The following MAPKAPK2 variants were observed in gnomAD, a reference collection of about 807,000 sequenced individuals.
MAPKAPK2 encodes the protein MAPK activated protein kinase 2.
In MAPKAPK2, 9 loss-of-function variants were observed where a neutral mutation model predicts 48.8. The observed-to-expected ratio is 0.18, with a 90% CI of 0.11 to 0.32. MAPKAPK2 has a LOEUF of 0.32. Ranked by LOEUF, MAPKAPK2 falls within the 10% of genes least tolerant of loss-of-function variation. The pLI is 1.00. For missense variants in MAPKAPK2, 331 were observed against 498.3 expected, an observed-to-expected ratio of 0.66 and a Z score of 3.20; for synonymous variants, 202 against 190.6, an observed-to-expected ratio of 1.06 and a Z score of -0.49.
At chr1:206,719,068 A>G (rs1221186239) in intron 1 of MAPKAPK2, among the ~76,000 whole-genome samples, 2 of 152,026 alleles carry the variant, frequency 1.3e-5, no homozygotes, top group African/African-American at 4.8e-5. Flanking sequence ...CCATTCAGCC[A>G]TCTGTGTTTC....
intron 1 of MAPKAPK2, among the ~76,000 whole-genome samples, chr1:206,694,822 C>G (rs1226720372): frequency 6.6e-6 from 1 of 152,246 alleles, no homozygotes; most frequent in African/African-American, 2.4e-5. Flanking sequence ...AGCAAGGGGT[C>G]ATCCCATACC....
rs1054846344 is a variant in MAPKAPK2, at chr1:206,704,344, C to T, written c.279+18836C>T. Among the ~76,000 whole-genome samples the T allele has an allele frequency of 3.2e-4, 49 of 152,242 alleles. No individual in the cohort carries two copies. The highest frequency in any genetic ancestry group is 1.1e-3 in the African/African-American group (46 of 41,464). On this transcript the variant is annotated intron_variant, in intron 1 of 9. Coordinates refer to ENST00000367103, the MANE Select transcript of MAPKAPK2 (RefSeq NM_032960.4). This position sits in a 1 kb window ranked among gnomAD's most constrained non-coding sequence, Gnocchi z 4.3. ...GATGGGGTCTCCCAGGGTCCCCTTG[C>T]TGGGCACGCTTGGCAGGCATCCTGC...
rs1402747644 is a variant in MAPKAPK2, at chr1:206,685,099, G to C, written c.-131G>C. ...GACCCGCCGAGCCTGGAGCCGGGCC[G>C]GGTCGGGGAAGCCGGCTCCAGCCCG... On this transcript the variant is annotated 5_prime_UTR_variant, in exon 1 of 10. Transcript: ENST00000367103. 1 of 197,136 alleles carries C rather than the reference G, an allele frequency of 5.1e-6. No individual in the cohort carries two copies. Among genetic ancestry groups the C allele is most frequent in the Non-Finnish European group, 1.0e-5 (1 of 99,640 alleles). 12.2% of individuals were successfully genotyped at this position (197,136 alleles called of 1,614,324 possible).
intron 1 of MAPKAPK2, among the ~76,000 whole-genome samples, chr1:206,703,883 G>T (rs1284578412): frequency 1.3e-5 from 2 of 152,206 alleles, no homozygotes; most frequent in Non-Finnish European, 2.9e-5. Flanking sequence ...TTCAGAGCAG[G>T]GGCAGCCTGC....
chr1:206,728,911 C>T, intron 2 of MAPKAPK2, 62 bp downstream of exon 2: 2 of 1,612,054 alleles, frequency 1.2e-6, no homozygotes, highest in Non-Finnish European at 1.7e-6. Context: ...AGGCACCTTA[C>T]CCTCTGAGGA....
chr1:206,726,798 A>G (rs1673714567), intron 1 of MAPKAPK2, among the ~76,000 whole-genome samples: 4 of 152,242 alleles, frequency 2.6e-5, no homozygotes, highest in African/African-American at 7.2e-5. Context: ...GAAAAACCCA[A>G]CATATCATGG....
chr1:206,722,703 C>A (rs1245719683), intron 1 of MAPKAPK2, among the ~76,000 whole-genome samples: 2 of 152,218 alleles, frequency 1.3e-5, no homozygotes, highest in Admixed American at 1.3e-4. Context: ...GCCAACAGTA[C>A]TTAGCAGCCA....
At chr1:206,718,971 T>C (rs553267523) in intron 1 of MAPKAPK2, among the ~76,000 whole-genome samples, 44 of 152,296 alleles carry the variant, frequency 2.9e-4, no homozygotes, top group African/African-American at 9.6e-4. Context: ...TTTATTTTGG[T>C]CAAACATTAA....
At chr1:206,717,413 G>T (rs1377965349) in intron 1 of MAPKAPK2, among the ~76,000 whole-genome samples, 1 of 152,194 alleles carries the variant, frequency 6.6e-6, no homozygotes, top group African/African-American at 2.4e-5. Context: ...AGAAACAGAA[G>T]AAATATCTCT....
chr1:206,728,688 C>T, intron 1 of MAPKAPK2, 22 bp from the exon 2 acceptor site: 1 of 1,609,840 alleles, frequency 6.2e-7, no homozygotes, highest in Non-Finnish European at 8.5e-7. Flanking sequence ...CGCAGTTACT[C>T]AGAAAGCTGT....
intron 1 of MAPKAPK2, among the ~76,000 whole-genome samples, chr1:206,686,358 T>A (rs908277237): frequency 6.6e-6 from 1 of 152,202 alleles, no homozygotes. Context: ...GCCCATCCCT[T>A]TTCTTTCTTT....
chr1:206,707,623 C>T (rs1673005727), intron 1 of MAPKAPK2, among the ~76,000 whole-genome samples: 1 of 152,122 alleles, frequency 6.6e-6, no homozygotes, highest in Non-Finnish European at 1.5e-5. Flanking sequence ...CAACTCTCTG[C>T]ACCTTAGTTT....
At chr1:206,706,113 CTTATTTATTTATTTATTTAT>C (rs10525931) in intron 1 of MAPKAPK2, among the ~76,000 whole-genome samples, 190 of 145,884 alleles carry the variant, frequency 1.3e-3, no homozygotes, top group African/African-American at 3.9e-3. Context: ...TTTCCTATCT[CTTATTTATTTATTTATTTAT>C]TTATTTATTT....
At position 206,729,161 on chromosome 1, in the gene MAPKAPK2, G is replaced by A. The variant is rs374132094; in HGVS notation, c.484+62G>A. 90 of 1,539,904 alleles carry A rather than the reference G, an allele frequency of 5.8e-5. No individual in the cohort carries two copies. In the East Asian group the frequency reaches 1.7e-3, roughly 29 times the overall value. ...GCAGGGCAGTGGGGGTCTGAAGGGGGCCTTTGCAGTGCCTGCTCTTGGGGA... is the reference window on the plus strand; with the variant it reads ...GCAGGGCAGTGGGGGTCTGAAGGGGACCTTTGCAGTGCCTGCTCTTGGGGA... On this transcript the variant is annotated intron_variant, in intron 3 of 9. Transcript: ENST00000367103.
In MAPKAPK2 at chr1:206,732,180, T is replaced by C. The variant is rs1375667212; in HGVS notation, c.1059+261T>C. On this transcript the variant is annotated intron_variant, in intron 9 of 9. Coordinates refer to ENST00000367103, the MANE Select transcript of MAPKAPK2 (RefSeq NM_032960.4). This position sits in a 1 kb window ranked among gnomAD's most constrained non-coding sequence, Gnocchi z 4.4. ...GTCTCTAATGGGACCTTAAAGACCA[T>C]CTGGTATCATCTTCTCATTTTGCAG... is the stretch of plus-strand genomic sequence containing the variant. 6.3e-7 allele frequency: 1 copy of C among 1,593,912 alleles called. No individual in the cohort carries two copies.
rs536471767 is a variant in MAPKAPK2 at position 206,695,571 on chromosome 1, G to T, written c.279+10063G>T. Among the ~76,000 whole-genome samples the T allele has an allele frequency of 8.1e-5, 12 of 148,450 alleles. 1 individual carries two copies. In the East Asian group the frequency reaches 2.4e-3, roughly 29 times the overall value. On this transcript the variant is annotated intron_variant, in intron 1 of 9. Coordinates refer to ENST00000367103, the MANE Select transcript of MAPKAPK2 (RefSeq NM_032960.4). Reference sequence around the variant, plus strand: ...CCCACACCTTAGCATCTATCCATCTGCATCTTCTCTGTACCATGCCTGTCC... The same window carrying T: ...CCCACACCTTAGCATCTATCCATCTTCATCTTCTCTGTACCATGCCTGTCC...
chr1:206,732,785 G>T lies in MAPKAPK2; in HGVS notation c.*67G>T. ...CTCTACAGGAATATATTTTTTAAAC[G>T]AAGAGACAGAACTGTCCACATCTGC... On this transcript the variant is annotated 3_prime_UTR_variant, in exon 10 of 10. Transcript: ENST00000367103. This position sits in a 1 kb window ranked among gnomAD's most constrained non-coding sequence, Gnocchi z 4.4. 6.4e-7 allele frequency: 1 copy of T among 1,566,450 alleles called. No homozygotes were observed. The highest frequency in any genetic ancestry group is 1.2e-5 in the South Asian group (1 of 86,810).
Position 206,724,981 on chromosome 1 carries a change from C to T in MAPKAPK2, c.280-3729C>T, listed in dbSNP as rs117319406. Among the ~76,000 whole-genome samples the T allele has an allele frequency of 1.0e-3, 153 of 151,700 alleles. 1 individual carries two copies. The East Asian group carries it at 0.027, about 26-fold the overall frequency. On this transcript the variant is annotated intron_variant, in intron 1 of 9. Transcript: ENST00000367103. Reference sequence around the variant, plus strand: ...TTTCACGAAGTTGAATCTAATTTTACAGATGAGGAAACCCTTTCCAGAAAG... The same window carrying T: ...TTTCACGAAGTTGAATCTAATTTTATAGATGAGGAAACCCTTTCCAGAAAG...
At chr1:206,699,366 G>T (rs1672729209) in intron 1 of MAPKAPK2, among the ~76,000 whole-genome samples, 1 of 152,200 alleles carries the variant, frequency 6.6e-6, no homozygotes, top group Admixed American at 6.5e-5. Flanking sequence ...CCTGGCATGG[G>T]CAGAGGATAC....
Sources: gnomAD v4.1 joint callset for allele counts (sites outside exome capture counted in the v4.1 genomes callset) on GRCh38, gnomAD v4.1.1 for gene constraint, Gnocchi (gnomAD v3.1) non-coding constraint, MANE v1.5 for transcripts, NCBI Gene and HGNC (gene_info 2026-07-23, HGNC 2026-07-21) for gene names.